The following SUGCT variants were observed in gnomAD, a reference collection of about 807,000 sequenced individuals.
SUGCT encodes succinyl-CoA:glutarate CoA-transferase.
A neutral mutation model predicts 55.0 loss-of-function variants in SUGCT; 41 were observed. The ratio of observed to expected loss-of-function variants is 0.74; its 90% CI spans 0.58 to 0.97. SUGCT has a LOEUF of 0.97. Among genes scored for constraint, SUGCT ranks in the 50% least tolerant of loss-of-function variants. The probability of loss-of-function intolerance (pLI) is 0.00; values close to 1 mark genes in which losing one functional copy is unlikely to be tolerated. For missense variants in SUGCT, 568 were observed against 547.8 expected, an observed-to-expected ratio of 1.04 and a Z score of -0.37; for synonymous variants, 187 against 200.4, an observed-to-expected ratio of 0.93 and a Z score of 0.56.
At chr7:40,560,336 G>T (rs1169984115) in intron 12 of SUGCT, among the ~76,000 whole-genome samples, 1 of 152,038 alleles carries the variant, frequency 6.6e-6, no homozygotes. Flanking sequence ...CTACTTTTTG[G>T]GTGGAGGGCC....
chr7:40,640,183 A>G (rs1404612374), intron 12 of SUGCT, among the ~76,000 whole-genome samples: 8 of 152,200 alleles, frequency 5.3e-5, no homozygotes, highest in Non-Finnish European at 1.2e-4. Context: ...CAATGAAACT[A>G]AAAAAGTTAA....
Position 40,522,645 on chromosome 7 carries a change from A to T in SUGCT, c.1089+26259A>T, listed in dbSNP as rs955887499. The stretch of plus-strand genomic sequence containing the variant: ...GGAAATATGTAATGTATAATAAAGG[A>T]AAACATCTCATAAATATTTTAGATT... On this transcript the variant is annotated intron_variant, in intron 12 of 13. Coordinates refer to ENST00000335693, the MANE Select transcript of SUGCT (RefSeq NM_001193313.2). Among the ~76,000 whole-genome samples the T allele has an allele frequency of 1.3e-5, 2 of 152,152 alleles. 1 individual carries two copies. The highest frequency in any genetic ancestry group is 1.3e-4 in the Admixed American group (2 of 15,260).
At chr7:40,155,679 C>A (rs948148206) in intron 1 of SUGCT, among the ~76,000 whole-genome samples, 4 of 151,938 alleles carry the variant, frequency 2.6e-5, no homozygotes, top group Admixed American at 6.6e-5. Flanking sequence ...TTGGGGAGCC[C>A]CATAAATAAT....
At chr7:40,805,841 A>C (rs1275243425) in intron 13 of SUGCT, among the ~76,000 whole-genome samples, 1 of 152,224 alleles carries the variant, frequency 6.6e-6, no homozygotes, top group East Asian at 1.9e-4. Context: ...TGGTAGTAGC[A>C]TAGAATAGGG....
intron 13 of SUGCT, among the ~76,000 whole-genome samples, chr7:40,810,755 C>T (rs1299507266): frequency 1.3e-5 from 2 of 152,102 alleles, no homozygotes; most frequent in East Asian, 3.9e-4. Context: ...TGTGCAGAAG[C>T]TCTTATTTTA....
the SUGCT span, among the ~76,000 whole-genome samples, chr7:41,005,405 T>C: frequency 6.6e-6 from 1 of 152,070 alleles, no homozygotes; most frequent in South Asian, 2.1e-4. Context: ...TGTCTCCATA[T>C]AAAGTCTTCT....
At chr7:40,145,044 T>C (rs555079315) in intron 1 of SUGCT, among the ~76,000 whole-genome samples, 59 of 152,326 alleles carry the variant, frequency 3.9e-4, no homozygotes, top group Non-Finnish European at 5.7e-4. Flanking sequence ...CCTGTTGTGC[T>C]TTTATTTTAA....
intron 7 of SUGCT, among the ~76,000 whole-genome samples, chr7:40,244,369 G>C (rs114471435): frequency 6.6e-6 from 1 of 152,042 alleles, no homozygotes; most frequent in Non-Finnish European, 1.5e-5. Context: ...GGAATCAGGC[G>C]GTCTTAGGGA....
intron 13 of SUGCT, among the ~76,000 whole-genome samples, chr7:40,814,770 G>T (rs1437921835): frequency 6.6e-6 from 1 of 152,068 alleles, no homozygotes; most frequent in Non-Finnish European, 1.5e-5. Context: ...ATTCCTCATG[G>T]TGCCAGAATT....
intron 12 of SUGCT, among the ~76,000 whole-genome samples, chr7:40,506,808 T>G (rs187569878): frequency 4.2e-4 from 64 of 152,284 alleles, no homozygotes; most frequent in Middle Eastern, 3.4e-3. Context: ...AGTTCAAATT[T>G]ATGGTTGAAC....
intron 8 of SUGCT, among the ~76,000 whole-genome samples, chr7:40,300,907 T>C (rs1422269082): frequency 6.6e-6 from 1 of 152,224 alleles, no homozygotes; most frequent in African/African-American, 2.4e-5. Flanking sequence ...AGTGTTCCTG[T>C]TCCTGTGAAG....
chr7:40,902,592 A>AAAG, the SUGCT span, among the ~76,000 whole-genome samples: 1 of 151,412 alleles, frequency 6.6e-6, no homozygotes, highest in African/African-American at 2.4e-5. Flanking sequence ...AAAAAAAAAA[A>AAAG]AGAGAAAAAA....
chr7:40,312,671 A>C (rs1282005760), intron 8 of SUGCT, among the ~76,000 whole-genome samples: 1 of 152,206 alleles, frequency 6.6e-6, no homozygotes, highest in Non-Finnish European at 1.5e-5. Flanking sequence ...TGTTGTATTC[A>C]TTCGGGGGCA....
chr7:40,238,799 G>A lies in SUGCT; in HGVS notation c.576+1073G>A, dbSNP rs557605401. On this transcript the variant is annotated intron_variant, in intron 7 of 13. Coordinates refer to ENST00000335693, the MANE Select transcript of SUGCT (RefSeq NM_001193313.2). ...CTTCGTTTCATTTTCACAAGTCTTA[G>A]AAAAAAATGTGTGTGGCCTTTGCTT... Among the ~76,000 whole-genome samples the A allele has an allele frequency of 3.4e-5, 5 of 147,670 alleles. No individual in the cohort carries two copies. The South Asian group carries it at 8.6e-4, about 25-fold the overall frequency.
intron 12 of SUGCT, among the ~76,000 whole-genome samples, chr7:40,567,998 T>C (rs1361721201): frequency 6.6e-6 from 1 of 152,258 alleles, no homozygotes; most frequent in African/African-American, 2.4e-5. Flanking sequence ...TTCAAAAGTC[T>C]TCAAATGAAT....
chr7:40,964,978 TGTTAATGCTTCTACCCA>T, the SUGCT span: 1 of 152,252 alleles, frequency 6.6e-6, no homozygotes, highest in Admixed American at 6.5e-5. Flanking sequence ...TTAAGCACTC[TGTTAATGCTTCTACCCA>T]AGCTAGACCG....
intron 9 of SUGCT, among the ~76,000 whole-genome samples, chr7:40,424,389 T>A (rs925179739): frequency 6.6e-6 from 1 of 152,134 alleles, no homozygotes; most frequent in Non-Finnish European, 1.5e-5. Flanking sequence ...TATTTGAAAT[T>A]CTATAAGCAC....
chr7:40,746,691 C>G (rs769131833), intron 12 of SUGCT, among the ~76,000 whole-genome samples: 2 of 152,184 alleles, frequency 1.3e-5, no homozygotes, highest in Admixed American at 1.3e-4. Flanking sequence ...AAATTTCAAT[C>G]AACTGCTAGC....
At chr7:40,894,171 T>C in the SUGCT span, among the ~76,000 whole-genome samples, 2 of 151,364 alleles carry the variant, frequency 1.3e-5, no homozygotes, top group African/African-American at 2.4e-5. Flanking sequence ...CCAGAAATAA[T>C]CCTGCACATG....
Sources: gnomAD v4.1 joint callset for allele counts (sites outside exome capture counted in the v4.1 genomes callset) on GRCh38, gnomAD v4.1.1 for gene constraint, MANE v1.5 for transcripts, NCBI Gene and HGNC (gene_info 2026-07-23, HGNC 2026-07-21) for gene names.